Variants in RASA2 observed in about 807,000 individuals in gnomAD.
The protein encoded by RASA2 is RAS p21 protein activator 2.
A neutral mutation model predicts 118.2 loss-of-function variants in RASA2; 155 were observed. The observed-to-expected ratio is 1.31, with a 90% CI of 1.15 to 1.50. RASA2 has a LOEUF of 1.50. Among genes scored for constraint, RASA2 ranks in the 40% most tolerant of loss-of-function variants. The probability of loss-of-function intolerance (pLI) is 0.00; values close to 1 mark genes in which losing one functional copy is unlikely to be tolerated. For synonymous variants in RASA2, 353 were observed against 349.1 expected, an observed-to-expected ratio of 1.01 and a Z score of -0.12; for missense variants, 1,016 against 1,009.6, an observed-to-expected ratio of 1.01 and a Z score of -0.09.
At chr3:141,533,749 G>A (rs564708348) in intron 4 of RASA2, among the ~76,000 whole-genome samples, 2 of 150,926 alleles carry the variant, frequency 1.3e-5, no homozygotes, top group East Asian at 3.9e-4. Context: ...CTTTTTTTTT[G>A]TATTTAGATT....
chr3:141,548,955 A>C (rs2082529244), intron 5 of RASA2, among the ~76,000 whole-genome samples: 1 of 152,216 alleles, frequency 6.6e-6, no homozygotes, highest in Non-Finnish European at 1.5e-5. Flanking sequence ...TCTGCACATG[A>C]ATATAGCTGG....
chr3:141,596,307 TTAAATGA>T (rs1189893744), intron 19 of RASA2, among the ~76,000 whole-genome samples: 3 of 152,218 alleles, frequency 2.0e-5, no homozygotes, highest in Non-Finnish European at 1.5e-5. Flanking sequence ...TATTTTTAAC[TTAAATGA>T]TAATGAAAAT....
In RASA2 at chr3:141,545,195, G is replaced by A. The variant is rs947421833; in HGVS notation, c.527+4586G>A. On this transcript the variant is annotated intron_variant, in intron 5 of 23. Transcript: ENST00000286364. ...TTATGATGGCTGCTTTCAGATCCAT[G>A]TCACATAATCATAACAATCATGTCA... Among the ~76,000 whole-genome samples the A allele has an allele frequency of 3.3e-5, 5 of 152,270 alleles. No homozygotes were observed. In the East Asian group the frequency reaches 5.8e-4, roughly 18 times the overall value.
intron 18 of RASA2, 57 bp from the exon 19 acceptor site, chr3:141,586,589 G>C: frequency 3.3e-6 from 4 of 1,194,628 alleles, no homozygotes; most frequent in Non-Finnish European, 4.8e-6. Flanking sequence ...ATACTTCTTT[G>C]TTTTGGATTA....
At position 141,573,123 on chromosome 3, in the gene RASA2, T is replaced by C. The variant is rs776166612; in HGVS notation, c.1285-24T>C. ...TGTCAGACTACTTAGAAAAAAATCA[T>C]TAACTGAAAAATTTATTTTTCAGAT... On this transcript the variant is annotated intron_variant, in intron 12 of 23. Coordinates refer to ENST00000286364, the MANE Select transcript of RASA2 (RefSeq NM_006506.5). The C allele has an allele frequency of 2.6e-6, 4 of 1,536,520 alleles. No individual in the cohort carries two copies. The East Asian group carries it at 7.2e-5, about 28-fold the overall frequency.
At chr3:141,553,784 T>C in intron 5 of RASA2, 73 bp from the exon 6 acceptor site, 1 of 1,556,964 alleles carries the variant, frequency 6.4e-7, no homozygotes, top group South Asian at 1.2e-5. Flanking sequence ...ATGTATTAGT[T>C]TGTGTTTAAA....
chr3:141,537,619 A>C (rs1302360646), intron 4 of RASA2, among the ~76,000 whole-genome samples: 1 of 152,138 alleles, frequency 6.6e-6, no homozygotes, highest in East Asian at 1.9e-4. Flanking sequence ...AAATACAAAA[A>C]TTAGCCGGGC....
chr3:141,595,618 TTTTTTTC>T (rs1205075601), intron 19 of RASA2, among the ~76,000 whole-genome samples: 1 of 151,978 alleles, frequency 6.6e-6, no homozygotes, highest in Admixed American at 6.6e-5. Context: ...TTTTTTTTTC[TTTTTTTC>T]TTTTTTCTTT....
At chr3:141,498,573 T>TAC (rs930370196) in intron 1 of RASA2, among the ~76,000 whole-genome samples, 3 of 152,156 alleles carry the variant, frequency 2.0e-5, no homozygotes, top group African/African-American at 7.2e-5. Context: ...CACACATACA[T>TAC]ACACACACAC....
chr3:141,604,406 C>T (rs1019218996), intron 19 of RASA2, among the ~76,000 whole-genome samples: 1 of 152,040 alleles, frequency 6.6e-6, no homozygotes, highest in African/African-American at 2.4e-5. Context: ...CAAATTAAAA[C>T]TTAAATGTTT....
intron 9 of RASA2, among the ~76,000 whole-genome samples, chr3:141,569,196 T>A (rs2082872021): frequency 6.6e-6 from 1 of 152,154 alleles, no homozygotes; most frequent in Non-Finnish European, 1.5e-5. Context: ...TTCCTGGATG[T>A]TTTTAGATAT....
In RASA2 at chr3:141,608,636, G is replaced by A. The variant is rs1246336221; in HGVS notation, c.2164G>A (p.Gly722Arg). Residue 722 changes from glycine to arginine, a missense_variant, in exon 21 of 24, where the codon GGA (glycine) becomes AGA (arginine). Coordinates refer to ENST00000286364, the MANE Select transcript of RASA2 (RefSeq NM_006506.5). Reference sequence around the variant, plus strand: ...TTATCATCCCTCTGTGTATCTGAACGGAAATTGGCTCTGCTGTCAGGAGAC... The same window carrying A: ...TTATCATCCCTCTGTGTATCTGAACAGAAATTGGCTCTGCTGTCAGGAGAC... ...SFYHPSVYLN[G>R]NWLCCQETGE... The A allele has an allele frequency of 5.6e-6, 9 of 1,614,000 alleles. No homozygotes were observed. Among genetic ancestry groups the A allele is most frequent in the Admixed American group, 3.3e-5 (2 of 59,966 alleles).
intron 11 of RASA2, among the ~76,000 whole-genome samples, chr3:141,571,886 T>C (rs191129705): frequency 1.3e-5 from 2 of 152,078 alleles, no homozygotes; most frequent in East Asian, 3.9e-4. Flanking sequence ...ATCACCCTTA[T>C]ATGCATATGT....
At chr3:141,582,449 G>A (rs1268658072) in intron 17 of RASA2, among the ~76,000 whole-genome samples, 1 of 152,160 alleles carries the variant, frequency 6.6e-6, no homozygotes, top group Non-Finnish European at 1.5e-5. Context: ...ATGATGTACT[G>A]TCTTTTGTTT....
chr3:141,512,945 C>T (rs1442853384), intron 2 of RASA2, among the ~76,000 whole-genome samples: 4 of 151,850 alleles, frequency 2.6e-5, no homozygotes, highest in African/African-American at 7.3e-5. Context: ...TGTCTGTAAT[C>T]TCAGCTACTT....
intron 5 of RASA2, among the ~76,000 whole-genome samples, chr3:141,543,300 G>T (rs927026619): frequency 6.6e-6 from 1 of 151,914 alleles, no homozygotes; most frequent in East Asian, 1.9e-4. Context: ...AGAATAAAAT[G>T]TATGTACTTT....
intron 23 of RASA2, 75 bp downstream of exon 23, chr3:141,610,141 A>C (rs1577836989): frequency 5.4e-5 from 68 of 1,249,308 alleles, no homozygotes; most frequent in Non-Finnish European, 7.2e-5. Flanking sequence ...CCAACCTCAC[A>C]CCTCCTGCTC....
chr3:141,561,523 C>A (rs573765040), intron 9 of RASA2, among the ~76,000 whole-genome samples: 1 of 152,322 alleles, frequency 6.6e-6, no homozygotes, highest in South Asian at 2.1e-4. Flanking sequence ...TCTGGTAATT[C>A]ATATATAATT....
chr3:141,504,048 T>A (rs534134465), intron 1 of RASA2, among the ~76,000 whole-genome samples: 1 of 152,342 alleles, frequency 6.6e-6, no homozygotes, highest in South Asian at 2.1e-4. Flanking sequence ...GCATTGATAC[T>A]TATTCAGCAG....
Sources: allele counts gnomAD v4.1 joint callset (sites outside exome capture counted in the v4.1 genomes callset), GRCh38; gene constraint gnomAD v4.1.1; transcripts MANE v1.5; gene names NCBI Gene and HGNC (gene_info 2026-07-23, HGNC 2026-07-21).